PDE10A: variants seen among roughly 807,000 people sequenced by gnomAD.
PDE10A encodes the protein cAMP and cAMP-inhibited cGMP 3',5'-cyclic phosphodiesterase 10A.
In PDE10A, 39 loss-of-function variants were observed where a neutral mutation model predicts 97.7. That is an observed-to-expected ratio of 0.40 (90% confidence interval 0.31 to 0.52). The LOEUF (loss-of-function observed/expected upper bound fraction) is 0.52. PDE10A is among the 20% of genes least tolerant of loss of function. PDE10A has a pLI of 0.56. For missense variants in PDE10A, 731 were observed against 1,047.8 expected, an observed-to-expected ratio of 0.70 and a Z score of 4.17; for synonymous variants, 371 against 376.8, an observed-to-expected ratio of 0.98 and a Z score of 0.18.
intron 2 of PDE10A, among the ~76,000 whole-genome samples, chr6:165,524,364 G>A (rs762500820): frequency 2.0e-5 from 3 of 152,154 alleles, no homozygotes; most frequent in African/African-American, 7.2e-5. Context: ...ACCCCAAAAC[G>A]CTAAGGATTC....
chr6:165,336,293 G>A (rs578026067), intron 20 of PDE10A, 82 bp from the exon 21 acceptor site: 3 of 954,680 alleles, frequency 3.1e-6, no homozygotes, highest in African/African-American at 1.6e-5. Context: ...TTAAGTGACT[G>A]TTCTGTTTCT....
At chr6:165,653,473 A>G (rs921088111) in intron 1 of PDE10A, among the ~76,000 whole-genome samples, 1 of 152,212 alleles carries the variant, frequency 6.6e-6, no homozygotes, top group African/African-American at 2.4e-5. Context: ...ACCATGACAC[A>G]GGGCAGAAGC....
At chr6:165,692,442 C>G (rs1791328509) in intron 1 of PDE10A, among the ~76,000 whole-genome samples, 1 of 152,298 alleles carries the variant, frequency 6.6e-6, no homozygotes, top group East Asian at 1.9e-4. Context: ...TTGGTCACTA[C>G]CGGGACTTGC....
At chr6:165,933,854 A>C (rs1783229464) in intron 1 of PDE10A, among the ~76,000 whole-genome samples, 1 of 152,228 alleles carries the variant, frequency 6.6e-6, no homozygotes, top group Non-Finnish European at 1.5e-5. Context: ...GCAGGTCAGA[A>C]CCAAAACGGC....
intron 1 of PDE10A, among the ~76,000 whole-genome samples, chr6:165,748,405 G>A (rs746607195): frequency 3.9e-5 from 6 of 152,140 alleles, no homozygotes; most frequent in Admixed American, 6.5e-5. Context: ...CTTTTACTTC[G>A]TTGTGTGGTT....
intron 1 of PDE10A, among the ~76,000 whole-genome samples, chr6:165,630,661 G>A (rs189079782): frequency 1.4e-4 from 22 of 152,124 alleles, no homozygotes; most frequent in Non-Finnish European, 3.1e-4. Flanking sequence ...GGTAGGACAC[G>A]GCATATTTGG....
chr6:165,443,766 G>A (rs892910466), intron 5 of PDE10A, among the ~76,000 whole-genome samples: 2 of 152,138 alleles, frequency 1.3e-5, no homozygotes, highest in African/African-American at 4.8e-5. Context: ...TGTGTACCAC[G>A]GCTAGAGCTG....
At chr6:165,751,443 A>G (rs1792998840) in intron 1 of PDE10A, among the ~76,000 whole-genome samples, 1 of 152,218 alleles carries the variant, frequency 6.6e-6, no homozygotes, top group African/African-American at 2.4e-5. Flanking sequence ...AGATGAGGCC[A>G]TGAAGGACTG....
intron 20 of PDE10A, among the ~76,000 whole-genome samples, chr6:165,338,651 ATATCT>A (rs1781787556): frequency 6.6e-6 from 1 of 152,230 alleles, no homozygotes; most frequent in Non-Finnish European, 1.5e-5. Flanking sequence ...CTCTCCAAAA[ATATCT>A]TTGTTTAGCC....
intron 12 of PDE10A, among the ~76,000 whole-genome samples, chr6:165,414,741 A>G (rs1788182413): frequency 6.6e-6 from 1 of 152,248 alleles, no homozygotes; most frequent in South Asian, 2.1e-4. Context: ...TAACTTTTCA[A>G]GAAACTGCAA....
At chr6:165,412,551 G>A (rs1306398075) in intron 13 of PDE10A, among the ~76,000 whole-genome samples, 1 of 152,146 alleles carries the variant, frequency 6.6e-6, no homozygotes, top group Non-Finnish European at 1.5e-5. Flanking sequence ...CTATGTAACA[G>A]AAACTGTCCC....
chr6:165,758,209 G>A (rs1350495120), intron 1 of PDE10A, among the ~76,000 whole-genome samples: 1 of 152,208 alleles, frequency 6.6e-6, no homozygotes, highest in Non-Finnish European at 1.5e-5. Context: ...GCTCATGCCT[G>A]TAATCCCAGC....
chr6:165,472,208 T>C (rs1488125758), intron 3 of PDE10A, among the ~76,000 whole-genome samples: 1 of 152,104 alleles, frequency 6.6e-6, no homozygotes, highest in African/African-American at 2.4e-5. Context: ...CTTCTTCAAT[T>C]TTGATAATTT....
At chr6:165,484,375 G>A (rs768961365) in intron 2 of PDE10A, among the ~76,000 whole-genome samples, 16 of 152,224 alleles carry the variant, frequency 1.1e-4, no homozygotes, top group South Asian at 4.1e-4. Context: ...AGCTTCATCC[G>A]TATTCACAAC....
chr6:165,669,525 G>T (rs1790588277), intron 1 of PDE10A, among the ~76,000 whole-genome samples: 1 of 152,168 alleles, frequency 6.6e-6, no homozygotes, highest in Non-Finnish European at 1.5e-5. Context: ...AATTGATAAG[G>T]GTTTTATTGT....
rs1397858375 is a variant in PDE10A, at chr6:165,663,002, G to C, written c.-191C>G. ...ACATTGTGCTCGGCTTGGGTTGCGG[G>C]AGGACCCGGGCCTGGGGGCCAGGCC... On this transcript the variant is annotated 5_prime_UTR_variant, in exon 1 of 22. Transcript: ENST00000539869. Among the ~76,000 whole-genome samples the C allele has an allele frequency of 6.6e-6, 1 of 151,292 alleles. No homozygotes were observed. Among genetic ancestry groups the C allele is most frequent in the East Asian group, 2.0e-4 (1 of 5,058 alleles).
Position 165,931,613 on chromosome 6 carries a change from T to C in PDE10A, c.-615+55916A>G, listed in dbSNP as rs551103646. ...TTTAAGGTTTTGAAATGCTTTTCTA[T>C]GGGCAGCACCAGTTCCTTGCAGCCC... On this transcript the variant is annotated intron_variant, in intron 1 of 19. Transcript: ENST00000366882. 2.2e-4 allele frequency among the ~76,000 whole-genome samples: 33 copies of C among 152,362 alleles called. No individual in the cohort carries two copies. The South Asian group carries it at 6.6e-3, about 31-fold the overall frequency.
At chr6:165,607,074 C>T (rs1056750669) in intron 1 of PDE10A, among the ~76,000 whole-genome samples, 27 of 152,104 alleles carry the variant, frequency 1.8e-4, no homozygotes, top group African/African-American at 5.3e-4. Context: ...GAAGTGGTTT[C>T]GTTAAAAATG....
rs10946092 is a variant in PDE10A, at chr6:165,671,654, A to G, written c.-614-128086T>C. 0.79 allele frequency among the ~76,000 whole-genome samples: 120,398 copies of G among 152,146 alleles called. 48,239 individuals are homozygous for G. Among genetic ancestry groups the G allele is most frequent in the Non-Finnish European group, 0.87 (58,838 of 68,012 alleles). On this transcript the variant is annotated intron_variant, in intron 1 of 19. Transcript: ENST00000366882. This position sits in a 1 kb window ranked among gnomAD's most constrained non-coding sequence, Gnocchi z 4.6. The stretch of plus-strand genomic sequence containing the variant: ...GATTTAGGCTCGTTTTATAGATTTC[A>G]CACACATGGATTATAAAACGGATGA...
Sources: allele counts gnomAD v4.1 joint callset (sites outside exome capture counted in the v4.1 genomes callset), GRCh38; gene constraint gnomAD v4.1.1; non-coding constraint Gnocchi (gnomAD v3.1); transcripts MANE v1.5; gene names NCBI Gene and HGNC (gene_info 2026-07-23, HGNC 2026-07-21).